The following MACROD2 variants were observed in gnomAD, a reference collection of about 807,000 sequenced individuals.
The protein encoded by MACROD2 is ADP-ribose glycohydrolase MACROD2.
Under a neutral mutation model 70.4 loss-of-function variants are expected in MACROD2, and 36 were observed. The observed-to-expected ratio is 0.51, with a 90% CI of 0.39 to 0.68. The LOEUF (loss-of-function observed/expected upper bound fraction) is 0.68. Ranked by LOEUF, MACROD2 falls within the 30% of genes least tolerant of loss-of-function variation. The pLI is 0.00. For synonymous variants in MACROD2, 172 were observed against 178.8 expected, an observed-to-expected ratio of 0.96 and a Z score of 0.30; for missense variants, 496 against 538.4, an observed-to-expected ratio of 0.92 and a Z score of 0.78.
intron 5 of MACROD2, among the ~76,000 whole-genome samples, chr20:14,813,295 G>A (rs114863870): frequency 2.6e-5 from 4 of 151,786 alleles, no homozygotes; most frequent in Admixed American, 6.6e-5. Context: ...CCATCACCTA[G>A]GTATTAAGCC....
At chr20:15,312,455 T>C (rs1003176933) in intron 6 of MACROD2, among the ~76,000 whole-genome samples, 1 of 152,178 alleles carries the variant, frequency 6.6e-6, no homozygotes. Flanking sequence ...ATAGATCAGA[T>C]GATTTGATGA....
At chr20:14,930,647 A>G (rs1456871019) in intron 5 of MACROD2, among the ~76,000 whole-genome samples, 1 of 151,326 alleles carries the variant, frequency 6.6e-6, no homozygotes, top group Non-Finnish European at 1.5e-5. Flanking sequence ...AGTATTAAAC[A>G]TTTTGTCTGG....
At chr20:15,470,289 T>C (rs367560635) in intron 7 of MACROD2, among the ~76,000 whole-genome samples, 10 of 152,316 alleles carry the variant, frequency 6.6e-5, no homozygotes, top group African/African-American at 2.4e-4. Context: ...GACCCCATGA[T>C]CTGCCTGCCT....
intron 5 of MACROD2, among the ~76,000 whole-genome samples, chr20:14,980,988 A>G (rs1198781664): frequency 6.6e-6 from 1 of 151,934 alleles, no homozygotes; most frequent in Non-Finnish European, 1.5e-5. Flanking sequence ...TCTCTCATCC[A>G]GAGTGCAGCC....
chr20:15,402,533 C>G (rs182948074), intron 6 of MACROD2, among the ~76,000 whole-genome samples: 64 of 152,274 alleles, frequency 4.2e-4, no homozygotes, highest in Non-Finnish European at 6.6e-4. Context: ...TTCCATTCAT[C>G]TCTTTGAGAT....
At chr20:15,088,590 AAGTG>A (rs1490288804) in intron 5 of MACROD2, among the ~76,000 whole-genome samples, 1 of 151,448 alleles carries the variant, frequency 6.6e-6, no homozygotes, top group Non-Finnish European at 1.5e-5. Context: ...AAGGAAGAAA[AAGTG>A]AGAGGATACA....
At chr20:15,614,480 A>T (rs990901481) in intron 8 of MACROD2, among the ~76,000 whole-genome samples, 1 of 152,194 alleles carries the variant, frequency 6.6e-6, no homozygotes, top group African/African-American at 2.4e-5. Context: ...CCAGAATGGC[A>T]TCACCTGTGA....
At chr20:15,513,295 T>C (rs1428227751) in intron 8 of MACROD2, among the ~76,000 whole-genome samples, 1 of 152,222 alleles carries the variant, frequency 6.6e-6, no homozygotes, top group African/African-American at 2.4e-5. Context: ...CCCTGTTTTC[T>C]AAGTACAGCT....
intron 5 of MACROD2, among the ~76,000 whole-genome samples, chr20:14,853,678 C>T (rs1022997476): frequency 6.6e-6 from 1 of 152,044 alleles, no homozygotes; most frequent in African/African-American, 2.4e-5. Flanking sequence ...TATGCTGCAT[C>T]GATAGAGTTA....
intron 3 of MACROD2, among the ~76,000 whole-genome samples, chr20:14,210,732 G>T (rs2081563886): frequency 6.6e-6 from 1 of 152,168 alleles, no homozygotes; most frequent in African/African-American, 2.4e-5. Flanking sequence ...AAATATTCAA[G>T]TGTACAAATA....
chr20:15,400,366 A>G (rs1025477344), intron 6 of MACROD2, among the ~76,000 whole-genome samples: 1 of 152,104 alleles, frequency 6.6e-6, no homozygotes, highest in Non-Finnish European at 1.5e-5. Context: ...GAAAGCATCC[A>G]CTGACCCCAT....
chr20:15,777,368 T>C (rs1404710309), intron 8 of MACROD2, among the ~76,000 whole-genome samples: 1 of 151,958 alleles, frequency 6.6e-6, no homozygotes, highest in Non-Finnish European at 1.5e-5. Context: ...TTTGGTTAAG[T>C]AAAATTTAGA....
chr20:15,983,646 C>T (rs11699026), intron 13 of MACROD2, among the ~76,000 whole-genome samples: 18,912 of 152,190 alleles, frequency 0.12, 1,589 homozygotes, highest in Middle Eastern at 0.2. Context: ...TGATTTATTA[C>T]TCCAGGCTGT....
chr20:14,611,998 A>C (rs1983200868), intron 4 of MACROD2, among the ~76,000 whole-genome samples: 1 of 152,140 alleles, frequency 6.6e-6, no homozygotes, highest in Non-Finnish European at 1.5e-5. Flanking sequence ...TCATATGTGA[A>C]AGGGAGTAGA....
At chr20:14,006,228 T>C (rs1464301100) in intron 2 of MACROD2, among the ~76,000 whole-genome samples, 3 of 152,214 alleles carry the variant, frequency 2.0e-5, no homozygotes, top group Non-Finnish European at 4.4e-5. Context: ...TTACAATGTT[T>C]GCACAGCAAT....
intron 5 of MACROD2, among the ~76,000 whole-genome samples, chr20:15,011,450 C>T (rs1396737147): frequency 6.6e-6 from 1 of 152,112 alleles, no homozygotes; most frequent in African/African-American, 2.4e-5. Context: ...TAAACCCTGT[C>T]CTTATTATCC....
intron 3 of MACROD2, among the ~76,000 whole-genome samples, chr20:14,242,000 G>C (rs1327187960): frequency 6.6e-6 from 1 of 152,022 alleles, no homozygotes; most frequent in Non-Finnish European, 1.5e-5. Flanking sequence ...AGTAACCTCA[G>C]TCATTTGTAT....
chr20:14,708,375 G>GT (rs1203803036), intron 5 of MACROD2, among the ~76,000 whole-genome samples: 2 of 152,148 alleles, frequency 1.3e-5, no homozygotes, highest in East Asian at 1.9e-4. Flanking sequence ...CAATGTAAAT[G>GT]TAAGGGTGTG....
intron 7 of MACROD2, among the ~76,000 whole-genome samples, chr20:15,489,091 C>T (rs1303844035): frequency 6.6e-6 from 1 of 152,134 alleles, no homozygotes; most frequent in African/African-American, 2.4e-5. Context: ...GCAGAGGAAA[C>T]ACAACTTGAA....
Sources: gnomAD v4.1 joint callset for allele counts (sites outside exome capture counted in the v4.1 genomes callset) on GRCh38, gnomAD v4.1.1 for gene constraint, MANE v1.5 for transcripts, NCBI Gene and HGNC (gene_info 2026-07-23, HGNC 2026-07-21) for gene names.